The following BCL7C variants were observed in gnomAD, a reference collection of about 807,000 sequenced individuals.
BCL7C encodes the protein BAF chromatin remodeling complex subunit BCL7C.
In BCL7C, 8 loss-of-function variants were observed where a neutral mutation model predicts 26.2. The ratio of observed to expected loss-of-function variants is 0.30; its 90% confidence interval spans 0.18 to 0.55. The LOEUF (loss-of-function observed/expected upper bound fraction) is 0.55, where lower values mean the gene tolerates loss of function less well. BCL7C is among the 20% of genes least tolerant of loss of function. The pLI is 0.93. For synonymous variants in BCL7C, 90 were observed against 116.5 expected, an observed-to-expected ratio of 0.77 and a Z score of 1.47; for missense variants, 262 against 298.5, an observed-to-expected ratio of 0.88 and a Z score of 0.90.
intron 5 of BCL7C, among the ~76,000 whole-genome samples, chr16:30,837,325 G>A (rs1034964308): frequency 6.6e-6 from 1 of 152,010 alleles, no homozygotes; most frequent in Non-Finnish European, 1.5e-5. Context: ...TATTTTCAAG[G>A]ATATTGGGGT....
At chr16:30,865,337 T>C (rs766099292) in intron 5 of BCL7C, among the ~76,000 whole-genome samples, 1 of 152,058 alleles carries the variant, frequency 6.6e-6, no homozygotes, top group Non-Finnish European at 1.5e-5. Flanking sequence ...ATAAACAGCC[T>C]TGTTGCTCAC....
chr16:30,849,440 C>G (rs1247431734), intron 5 of BCL7C, among the ~76,000 whole-genome samples: 1 of 151,852 alleles, frequency 6.6e-6, no homozygotes, highest in Non-Finnish European at 1.5e-5. Context: ...ATTAGCATAG[C>G]CACTCCACAT....
intron 5 of BCL7C, among the ~76,000 whole-genome samples, chr16:30,838,174 ATCCTGAC>A (rs1726350561): frequency 1.3e-5 from 2 of 152,242 alleles, no homozygotes; most frequent in Non-Finnish European, 2.9e-5. Flanking sequence ...AGAGGTTTGA[ATCCTGAC>A]TCAGCTTCTT....
At chr16:30,882,596 A>C (rs1041873181) in intron 5 of BCL7C, among the ~76,000 whole-genome samples, 10 of 152,214 alleles carry the variant, frequency 6.6e-5, no homozygotes, top group Non-Finnish European at 1.5e-4. Context: ...AGATGGCAGC[A>C]GGCATCTGGG....
chr16:30,893,110 T>G lies in BCL7C; in HGVS notation c.171+102A>C. The G allele has an allele frequency of 7.5e-7, 1 of 1,325,226 alleles. No homozygotes were observed. The highest frequency in any genetic ancestry group is 1.1e-6 in the Non-Finnish European group (1 of 942,876). The allele number at this position is 1,325,226 out of a possible 1,614,324, so 82.1% of individuals were successfully genotyped here. On this transcript the variant is annotated intron_variant, in intron 2 of 5. Coordinates refer to ENST00000215115, the MANE Select transcript of BCL7C (RefSeq NM_004765.4). This position sits in a 1 kb window ranked among gnomAD's most constrained non-coding sequence, Gnocchi z 5.2. ...TAATGATGGTTCCCGTCTGTCCTGC[T>G]GCATCTGAGGTCTCGGGGAGCTGGA... is the stretch of plus-strand genomic sequence containing the variant.
At chr16:30,882,919 T>A (rs2055063742), downstream of BCL7C, among the ~76,000 whole-genome samples, 1 of 152,208 alleles carries the variant, frequency 6.6e-6, no homozygotes, top group Non-Finnish European at 1.5e-5. Flanking sequence ...GGTGTCACCA[T>A]CTTGGCTGGC....
At chr16:30,858,499 A>G (rs2054743420) in intron 5 of BCL7C, among the ~76,000 whole-genome samples, 1 of 152,064 alleles carries the variant, frequency 6.6e-6, no homozygotes, top group Non-Finnish European at 1.5e-5. Flanking sequence ...CAGTCAAAAT[A>G]AGGGCTTAAG....
chr16:30,890,509 A>T (rs1003949981), intron 4 of BCL7C, among the ~76,000 whole-genome samples: 21 of 152,022 alleles, frequency 1.4e-4, no homozygotes, highest in Non-Finnish European at 2.6e-4. Flanking sequence ...TCATAACAAG[A>T]TCATCACCCT....
chr16:30,835,558 AC>A (rs1431239646), intron 5 of BCL7C, among the ~76,000 whole-genome samples: 1 of 151,674 alleles, frequency 6.6e-6, no homozygotes, highest in East Asian at 1.9e-4. Context: ...CTTTAAGAAA[AC>A]TTTTGGCCGG....
intron 5 of BCL7C, among the ~76,000 whole-genome samples, chr16:30,877,729 G>A (rs934157550): frequency 2.0e-5 from 3 of 151,394 alleles, no homozygotes; most frequent in Non-Finnish European, 2.9e-5. Context: ...GTGAGCCACC[G>A]CGCCCAGCCT....
intron 5 of BCL7C, among the ~76,000 whole-genome samples, chr16:30,859,064 A>G (rs1314427407): frequency 1.3e-5 from 2 of 152,224 alleles, no homozygotes; most frequent in Non-Finnish European, 2.9e-5. Flanking sequence ...TAATTGCCTG[A>G]TCAAGGCAAA....
chr16:30,864,185 T>C (rs191157167), intron 5 of BCL7C, among the ~76,000 whole-genome samples: 2 of 152,288 alleles, frequency 1.3e-5, no homozygotes, highest in East Asian at 3.9e-4. Flanking sequence ...ATGAAGAGTG[T>C]TGTTTTTTCC....
chr16:30,847,095 A>G (rs2151361786), intron 5 of BCL7C, among the ~76,000 whole-genome samples: 1 of 152,362 alleles, frequency 6.6e-6, no homozygotes, highest in East Asian at 1.9e-4. Flanking sequence ...TGCTTCCATG[A>G]CAAGCCTAAA....
chr16:30,838,438 A>G (rs1262735101), intron 5 of BCL7C, among the ~76,000 whole-genome samples: 1 of 152,174 alleles, frequency 6.6e-6, no homozygotes, highest in Admixed American at 6.6e-5. Context: ...TATTCCAGTT[A>G]CTTCAGGGTT....
At chr16:30,851,610 A>G in intron 5 of BCL7C, 2 of 483,730 alleles carry the variant, frequency 4.1e-6, no homozygotes, top group South Asian at 2.5e-5. Context: ...CTTTCTGTTG[A>G]GCAGTGCCAC....
intron 5 of BCL7C, among the ~76,000 whole-genome samples, chr16:30,853,806 C>G (rs1430494726): frequency 6.6e-6 from 1 of 152,158 alleles, no homozygotes; most frequent in Non-Finnish European, 1.5e-5. Flanking sequence ...GTCAATTCCT[C>G]AAGAATTACC....
intron 5 of BCL7C, among the ~76,000 whole-genome samples, chr16:30,847,652 C>T (rs913902455): frequency 3.9e-5 from 6 of 151,936 alleles, no homozygotes; most frequent in African/African-American, 4.8e-5. Context: ...AAAAATTAGC[C>T]GGGCATGATG....
downstream of BCL7C, among the ~76,000 whole-genome samples, chr16:30,887,381 G>A (rs1318751523): frequency 8.6e-5 from 13 of 151,372 alleles, no homozygotes; most frequent in Non-Finnish European, 1.2e-4. Flanking sequence ...CTGTGGTCCC[G>A]GCTACTTGGG....
downstream of BCL7C, among the ~76,000 whole-genome samples, chr16:30,883,833 C>A (rs1366615843): frequency 1.4e-5 from 2 of 147,146 alleles, no homozygotes; most frequent in African/African-American, 5.0e-5. Context: ...GGCTTTTAAA[C>A]CAGGTCAAAG....
Sources: allele counts gnomAD v4.1 joint callset (sites outside exome capture counted in the v4.1 genomes callset), GRCh38; gene constraint gnomAD v4.1.1; non-coding constraint Gnocchi (gnomAD v3.1); transcripts MANE v1.5; gene names NCBI Gene and HGNC (gene_info 2026-07-23, HGNC 2026-07-21).